PPP2R5C: variants seen among roughly 807,000 people sequenced by gnomAD.
PPP2R5C encodes protein phosphatase 2 regulatory subunit B'gamma.
In PPP2R5C, 7 loss-of-function variants were observed where a neutral mutation model predicts 68.9. The observed-to-expected ratio is 0.10, with a 90% CI of 0.06 to 0.19. PPP2R5C has a LOEUF of 0.19. Ranked by LOEUF, PPP2R5C falls within the 10% of genes least tolerant of loss-of-function variation. PPP2R5C has a pLI of 1.00. For missense variants in PPP2R5C, 348 were observed against 641.3 expected, an observed-to-expected ratio of 0.54 and a Z score of 4.94; for synonymous variants, 210 against 222.2, an observed-to-expected ratio of 0.95 and a Z score of 0.49.
chr14:101,812,573 A>G (rs1057368648), intron 1 of PPP2R5C, among the ~76,000 whole-genome samples: 6 of 152,252 alleles, frequency 3.9e-5, no homozygotes, highest in Non-Finnish European at 8.8e-5. Context: ...TCATTTTAAA[A>G]TAGGAATGTT....
chr14:101,910,571 G>T (rs560443245), intron 11 of PPP2R5C, among the ~76,000 whole-genome samples: 1 of 152,222 alleles, frequency 6.6e-6, no homozygotes, highest in Non-Finnish European at 1.5e-5. Flanking sequence ...GGTGGCTCAC[G>T]CCTGTAATCC....
rs1035011414 is a variant in PPP2R5C at position 101,797,949 on chromosome 14, A to G, written c.259+11766A>G. On this transcript the variant is annotated intron_variant, in intron 3 of 14. Transcript: ENST00000328724. This position sits in a 1 kb window ranked among gnomAD's most constrained non-coding sequence, Gnocchi z 4.2. ...CTTTAATCACTCCCAGGCCTCGCTCACACAGCAACAAGTGCCTGTCCCTGT... is the reference window on the plus strand; with the variant it reads ...CTTTAATCACTCCCAGGCCTCGCTCGCACAGCAACAAGTGCCTGTCCCTGT... Among the ~76,000 whole-genome samples the G allele has an allele frequency of 6.6e-6, 1 of 152,140 alleles. No homozygotes were observed. Among genetic ancestry groups the G allele is most frequent in the African/African-American group, 2.4e-5 (1 of 41,408 alleles).
At chr14:101,772,471 CAAAACACAAAATTTATTTTGGGTTA>C (rs2037199916) in intron 2 of PPP2R5C, among the ~76,000 whole-genome samples, 4 of 152,080 alleles carry the variant, frequency 2.6e-5, no homozygotes, top group African/African-American at 4.8e-5. Flanking sequence ...ATTTTGGGTT[CAAAACACAAAATTTATTTTGGGTTA>C]AAAAATAAAG....
chr14:101,895,512 A>G (rs1463731350), intron 8 of PPP2R5C, among the ~76,000 whole-genome samples: 3 of 151,984 alleles, frequency 2.0e-5, no homozygotes, highest in South Asian at 2.1e-4. Context: ...CCTGTAATCT[A>G]CTTTATCTCT....
chr14:101,902,809 A>G (rs1433777532), intron 9 of PPP2R5C, among the ~76,000 whole-genome samples: 5 of 152,202 alleles, frequency 3.3e-5, no homozygotes, highest in Admixed American at 3.3e-4. Flanking sequence ...TGAAACCAAC[A>G]AAACTAAGAC....
intron 11 of PPP2R5C, among the ~76,000 whole-genome samples, chr14:101,911,810 G>C (rs143800788): frequency 9.4e-4 from 143 of 152,088 alleles, no homozygotes; most frequent in African/African-American, 3.4e-3. Context: ...CTTGAGCTCG[G>C]GAGGTGGAGG....
chr14:101,814,898 C>A (rs970851535), intron 1 of PPP2R5C, among the ~76,000 whole-genome samples: 8 of 152,212 alleles, frequency 5.3e-5, no homozygotes, highest in African/African-American at 1.7e-4. Context: ...TCCTGCCTGG[C>A]AGGTGAGCAG....
intron 5 of PPP2R5C, chr14:101,889,876 T>C: frequency 2.4e-6 from 1 of 424,710 alleles, no homozygotes; most frequent in South Asian, 1.8e-5. Flanking sequence ...GAGTAAAAGA[T>C]GGATGAACAG....
At chr14:101,784,718 A>T (rs2038006519) in intron 2 of PPP2R5C, among the ~76,000 whole-genome samples, 1 of 152,236 alleles carries the variant, frequency 6.6e-6, no homozygotes, top group South Asian at 2.1e-4. Flanking sequence ...GCCTTTTTAA[A>T]GAGCACATAT....
chr14:101,775,311 T>TA (rs1394681393), intron 2 of PPP2R5C, among the ~76,000 whole-genome samples: 5 of 152,198 alleles, frequency 3.3e-5, no homozygotes, highest in African/African-American at 1.2e-4. Context: ...AAATCCCTTA[T>TA]ATGATAAAAC....
At chr14:101,864,766 C>T (rs530314917) in intron 2 of PPP2R5C, among the ~76,000 whole-genome samples, 1 of 152,192 alleles carries the variant, frequency 6.6e-6, no homozygotes, top group South Asian at 2.1e-4. Flanking sequence ...CCTGGAGCTC[C>T]CGATTGGGTG....
intron 1 of PPP2R5C, among the ~76,000 whole-genome samples, chr14:101,817,165 C>T (rs1185939468): frequency 6.6e-6 from 1 of 151,670 alleles, no homozygotes; most frequent in Non-Finnish European, 1.5e-5. Context: ...ACCATGTTGA[C>T]CAGGATTGTC....
In PPP2R5C at chr14:101,879,093, C is replaced by T. The variant is rs1263605921; in HGVS notation, c.295-3068C>T. On this transcript the variant is annotated intron_variant, in intron 2 of 13. Transcript: ENST00000334743. The surrounding 1 kb of genome is among the most constrained non-coding windows in gnomAD (Gnocchi z 4.2). Reference sequence around the variant, plus strand: ...CTGCAAATGGCATCTAAGCCGCACCCCAGGCAGCCTGGCCAGGGAGGGACA... The same window carrying T: ...CTGCAAATGGCATCTAAGCCGCACCTCAGGCAGCCTGGCCAGGGAGGGACA... The T allele has an allele frequency of 6.6e-6, 1 of 152,344 alleles. No individual in the cohort carries two copies. Among genetic ancestry groups the T allele is most frequent in the Non-Finnish European group, 1.5e-5 (1 of 68,124 alleles). The allele number at this position is 152,344 out of a possible 1,614,324, so 9.4% of individuals were successfully genotyped here.
intron 1 of PPP2R5C, chr14:101,818,331 A>G (rs2140247662): frequency 6.6e-6 from 1 of 152,222 alleles, no homozygotes; most frequent in Non-Finnish European, 1.5e-5. Context: ...ATTCATAAGA[A>G]ATTTCATCTT....
chr14:101,852,762 G>A (rs1008974531), intron 1 of PPP2R5C, among the ~76,000 whole-genome samples: 1 of 152,008 alleles, frequency 6.6e-6, no homozygotes, highest in African/African-American at 2.4e-5. Context: ...GTGAGCCACC[G>A]CGCCTGGCCA....
intron 3 of PPP2R5C, among the ~76,000 whole-genome samples, chr14:101,796,012 G>A (rs1215749896): frequency 2.0e-5 from 3 of 151,956 alleles, no homozygotes; most frequent in Non-Finnish European, 4.4e-5. Context: ...TAGTAGAGAC[G>A]GGGTTCCACC....
At chr14:101,911,211 T>C (rs1347007105) in intron 11 of PPP2R5C, among the ~76,000 whole-genome samples, 1 of 152,088 alleles carries the variant, frequency 6.6e-6, no homozygotes, top group East Asian at 1.9e-4. Flanking sequence ...GAGGCGGAGC[T>C]TGCAGTGAGC....
chr14:101,786,528 C>A (rs754171513), intron 3 of PPP2R5C, among the ~76,000 whole-genome samples: 1 of 151,958 alleles, frequency 6.6e-6, no homozygotes, highest in African/African-American at 2.4e-5. Flanking sequence ...GTAGCAATTC[C>A]GAAAGGAATT....
chr14:101,886,514 T>G (rs1463400253), intron 5 of PPP2R5C, among the ~76,000 whole-genome samples: 4 of 152,074 alleles, frequency 2.6e-5, no homozygotes. Flanking sequence ...CTTTTGATAG[T>G]CTTTTCTGTA....
Sources: gnomAD v4.1 joint callset for allele counts (sites outside exome capture counted in the v4.1 genomes callset) on GRCh38, gnomAD v4.1.1 for gene constraint, Gnocchi (gnomAD v3.1) non-coding constraint, MANE v1.5 for transcripts, NCBI Gene and HGNC (gene_info 2026-07-23, HGNC 2026-07-21) for gene names.